ITGAM: variants seen among roughly 807,000 people sequenced by gnomAD.
The protein encoded by ITGAM is integrin subunit alpha M.
In ITGAM, 79 loss-of-function variants were observed where a neutral mutation model predicts 137.5. That is an observed-to-expected ratio of 0.57 (90% CI 0.48 to 0.69). ITGAM has a LOEUF of 0.69. ITGAM is among the 30% of genes least tolerant of loss of function. The probability of loss-of-function intolerance (pLI) is 0.00; values close to 1 mark genes in which losing one functional copy is unlikely to be tolerated. For missense variants in ITGAM, 1,343 were observed against 1,483.5 expected, an observed-to-expected ratio of 0.91 and a Z score of 1.56; for synonymous variants, 583 against 592.3, an observed-to-expected ratio of 0.98 and a Z score of 0.23.
rs778757771 is a variant in ITGAM at position 31,297,846 on chromosome 16, C to T, written c.1599C>T (p.Asp533=). The T allele has an allele frequency of 1.9e-5, 31 of 1,613,788 alleles. No homozygotes were observed. The highest frequency in any genetic ancestry group is 1.6e-4 in the Middle Eastern group (1 of 6,080). ...ALTVLGDVNG[D]KLTDVAIGAP... ...CAGTGCTGGGGGACGTAAATGGGGA[C>T]AAGCTGACGGACGTGGCCATTGGGG... The change falls in exon 14 of 30, where the codon GAC becomes GAT. Residue 533 remains aspartate (D), a synonymous_variant. Coordinates refer to ENST00000544665, the MANE Select transcript of ITGAM (RefSeq NM_000632.4).
At chr16:31,302,566 G>T (rs943801373) in intron 14 of ITGAM, among the ~76,000 whole-genome samples, 2 of 145,040 alleles carry the variant, frequency 1.4e-5, no homozygotes, top group African/African-American at 2.5e-5. Context: ...ACGGAGTCTC[G>T]TGCTGTTGCC....
chr16:31,273,551 G>GT (rs1446567745), intron 8 of ITGAM, 33 bp downstream of exon 8: 1 of 1,608,636 alleles, frequency 6.2e-7, no homozygotes, highest in Middle Eastern at 1.7e-4. Flanking sequence ...TGATGCTTCT[G>GT]TGGAGGGTTT....
chr16:31,314,845 T>G (rs2080373981), intron 14 of ITGAM, among the ~76,000 whole-genome samples: 1 of 144,538 alleles, frequency 6.9e-6, no homozygotes, highest in African/African-American at 2.7e-5. Flanking sequence ...TTTTTTGAGA[T>G]GGAGTCTCAG....
intron 7 of ITGAM, among the ~76,000 whole-genome samples, chr16:31,272,422 A>AATATATATATATATATAT (rs2079850545): frequency 8.2e-5 from 4 of 48,976 alleles, no homozygotes; most frequent in Non-Finnish European, 1.5e-4. Context: ...AGGCCAATTA[A>AATATATATATATATATAT]CTATATATAT....
chr16:31,326,462 G>C (rs1028449125), intron 21 of ITGAM, among the ~76,000 whole-genome samples: 1 of 152,098 alleles, frequency 6.6e-6, no homozygotes, highest in African/African-American at 2.4e-5. Context: ...CGTTGCCCAG[G>C]CTGGAGTGCA....
Position 31,277,973 on chromosome 16 carries a change from C to T in ITGAM, c.1220C>T (p.Ala407Val), listed in dbSNP as rs866753456. The part of the protein sequence containing the change: ...SDMNDAYLGY[A>V]AAIILRNRVQ... ...CTCAGACCCCCACCTTCAGGTTATGCTGCCGCCATCATCTTACGGAACCGG... is the reference window on the plus strand; with the variant it reads ...CTCAGACCCCCACCTTCAGGTTATGTTGCCGCCATCATCTTACGGAACCGG... The change falls in exon 12 of 30, where the codon GCT (alanine) becomes GTT (valine). Residue 407 changes from alanine (A) to valine (V), a missense_variant. Coordinates refer to ENST00000544665, the MANE Select transcript of ITGAM (RefSeq NM_000632.4). 2 of 1,593,728 alleles carry T rather than the reference C, an allele frequency of 1.3e-6. No homozygotes were observed. Among genetic ancestry groups the T allele is most frequent in the South Asian group, 1.1e-5 (1 of 87,788 alleles).
intron 3 of ITGAM, 93 bp downstream of exon 3, chr16:31,265,591 G>GTCCCCACCACAGATCCCCA: frequency 1.1e-6 from 1 of 888,696 alleles, no homozygotes; most frequent in South Asian, 1.7e-5. Flanking sequence ...ATCTGTGGTG[G>GTCCCCACCACAGATCCCCA]GGACACAGGT....
intron 14 of ITGAM, among the ~76,000 whole-genome samples, chr16:31,316,442 C>A (rs1024232573): frequency 7.9e-5 from 12 of 151,056 alleles, no homozygotes; most frequent in Non-Finnish European, 1.8e-4. Flanking sequence ...GGGTTCATTT[C>A]TGAGCTCTGT....
At chr16:31,271,508 A>G (rs887875593) in intron 6 of ITGAM, among the ~76,000 whole-genome samples, 1 of 152,144 alleles carries the variant, frequency 6.6e-6, no homozygotes, top group Non-Finnish European at 1.5e-5. Context: ...GCATGCCACC[A>G]TGCCTGGCTA....
At chr16:31,330,900 G>A (rs2080573208) in intron 28 of ITGAM, among the ~76,000 whole-genome samples, 1 of 147,536 alleles carries the variant, frequency 6.8e-6, no homozygotes, top group African/African-American at 2.6e-5. Context: ...GATAAAGAGA[G>A]AGATACAGAG....
intron 14 of ITGAM, among the ~76,000 whole-genome samples, chr16:31,305,955 A>G (rs1034143959): frequency 6.6e-6 from 1 of 151,850 alleles, no homozygotes; most frequent in African/African-American, 2.4e-5. Flanking sequence ...TCTGGTTTTG[A>G]TATTAGTGTG....
intron 12 of ITGAM, among the ~76,000 whole-genome samples, chr16:31,291,497 A>G (rs1238149040): frequency 1.3e-5 from 2 of 152,136 alleles, no homozygotes; most frequent in Non-Finnish European, 2.9e-5. Flanking sequence ...CTTTGCCAGC[A>G]TCCATCATTG....
At position 31,326,846 on chromosome 16, in the gene ITGAM, C is replaced by T. The variant is rs374482702; in HGVS notation, c.2629-10C>T. On this transcript the variant is annotated splice_polypyrimidine_tract_variant and intron_variant, in intron 21 of 29. Transcript: ENST00000544665. Reference sequence around the variant, plus strand: ...ATTTCTGTCATTGTCTCTCCTTTCTCTCACTCCAGGTCACCTTTAATATCA... The same window carrying T: ...ATTTCTGTCATTGTCTCTCCTTTCTTTCACTCCAGGTCACCTTTAATATCA... 6 of 1,593,238 alleles carry T rather than the reference C, an allele frequency of 3.8e-6. No homozygotes were observed. The Admixed American group carries it at 1.0e-4, about 27-fold the overall frequency.
intron 12 of ITGAM, among the ~76,000 whole-genome samples, chr16:31,291,370 G>A (rs141519737): frequency 9.9e-5 from 15 of 152,228 alleles, no homozygotes; most frequent in Admixed American, 2.0e-4. Context: ...GGGATTGCTG[G>A]ATCATGTGGT....
chr16:31,311,000 C>G (rs1326219888), intron 14 of ITGAM, among the ~76,000 whole-genome samples: 1 of 152,152 alleles, frequency 6.6e-6, no homozygotes, highest in Non-Finnish European at 1.5e-5. Flanking sequence ...ACTATCTGAT[C>G]TTTGACAAAC....
At chr16:31,274,373 C>CTG (rs2079883221) in intron 8 of ITGAM, among the ~76,000 whole-genome samples, 1 of 152,080 alleles carries the variant, frequency 6.6e-6, no homozygotes, top group South Asian at 2.1e-4. Context: ...CCCAAGGGTC[C>CTG]TGGTCCTGTT....
At chr16:31,285,775 TTTTTCTTTTTC>T (rs2080022482) in intron 12 of ITGAM, among the ~76,000 whole-genome samples, 1 of 152,108 alleles carries the variant, frequency 6.6e-6, no homozygotes. Context: ...TGGTTTTTCT[TTTTTCTTTTTC>T]TTTTCTTTTC....
Position 31,276,995 on chromosome 16 carries a change from A to G in ITGAM, c.1159A>G (p.Ser387Gly), listed in dbSNP as rs575924334. Residue 387 changes from serine to glycine, a missense_variant, in exon 11 of 30, where the codon AGC becomes GGC. Transcript: ENST00000544665. ...CTTTCTATATACATCAAAGGAGAAAAGCACCTTCATCAACATGACCAGAGT... is the reference window on the plus strand; with the variant it reads ...CTTTCTATATACATCAAAGGAGAAAGGCACCTTCATCAACATGACCAGAGT... The part of the protein sequence containing the change: ...GVFLYTSKEK[S>G]TFINMTRVDS... 1.9e-6 allele frequency: 3 copies of G among 1,613,280 alleles called. No individual in the cohort carries two copies. In the East Asian group the frequency reaches 6.7e-5, roughly 36 times the overall value.
Position 31,330,067 on chromosome 16 carries a change from G to C in ITGAM, c.2977-14G>C. The C allele has an allele frequency of 6.2e-7, 1 of 1,611,966 alleles. No homozygotes were observed. The highest frequency in any genetic ancestry group is 1.1e-5 in the South Asian group (1 of 90,680). ...CTTCATCTCTGCCCCTTCTCAGTGC[G>C]TCTCTTTCCTCAGAACCTCTCGAGT... On this transcript the variant is annotated splice_polypyrimidine_tract_variant and intron_variant, in intron 25 of 29. Transcript: ENST00000544665.
Sources: gnomAD v4.1 joint callset for allele counts (sites outside exome capture counted in the v4.1 genomes callset) on GRCh38, gnomAD v4.1.1 for gene constraint, MANE v1.5 for transcripts, NCBI Gene and HGNC (gene_info 2026-07-23, HGNC 2026-07-21) for gene names.